UNC5D: variants seen among roughly 807,000 people sequenced by gnomAD.
UNC5D encodes the protein unc-5 netrin receptor D.
UNC5D carries 39 observed loss-of-function variants against 105.4 expected under a neutral mutation model. The observed-to-expected ratio is 0.37, with a 90% CI of 0.29 to 0.48. The LOEUF is 0.48. Among genes scored for constraint, UNC5D ranks in the 20% least tolerant of loss-of-function variants. The pLI is 0.98. For missense variants in UNC5D, 991 were observed against 1,202.4 expected (o/e 0.82, Z 2.60); for synonymous variants, 452 against 450.4 (o/e 1.00, Z -0.04).
In UNC5D at chr8:35,661,199, T is replaced by C. The variant is rs116226510; in HGVS notation, c.571-22348T>C. 7.2e-3 allele frequency among the ~76,000 whole-genome samples: 1,097 copies of C among 152,214 alleles called. 21 individuals are homozygous for C. Among genetic ancestry groups the C allele is most frequent in the African/African-American group, 0.024 (1,010 of 41,530 alleles). ...GCTATACATATAGAGTTGCCTCAAA[T>C]AAGAAATGTCTATGGGATTCATTGA... On this transcript the variant is annotated intron_variant, in intron 4 of 16. Transcript: ENST00000404895.
At chr8:35,525,626 G>A (rs919307257) in intron 1 of UNC5D, 3 of 1,613,352 alleles carry the variant, frequency 1.9e-6, no homozygotes, top group African/African-American at 1.3e-5. Context: ...GCTTTCCACT[G>A]GAAGAGGGAC....
At chr8:35,614,723 A>T (rs1200029406) in intron 4 of UNC5D, among the ~76,000 whole-genome samples, 2 of 152,120 alleles carry the variant, frequency 1.3e-5, no homozygotes, top group East Asian at 3.9e-4. Context: ...CAGCCCAAAT[A>T]CCCTCATCAT....
At chr8:35,296,728 G>A (rs1807520650) in intron 1 of UNC5D, among the ~76,000 whole-genome samples, 1 of 152,056 alleles carries the variant, frequency 6.6e-6, no homozygotes, top group African/African-American at 2.4e-5. Flanking sequence ...GCCGTGGTAA[G>A]TACCTTTTCA....
At chr8:35,778,132 T>C (rs920044053) in intron 16 of UNC5D, among the ~76,000 whole-genome samples, 6 of 152,220 alleles carry the variant, frequency 3.9e-5, no homozygotes, top group Non-Finnish European at 5.9e-5. Flanking sequence ...TGTCGGTATG[T>C]CTGAATAAGG....
chr8:35,599,256 C>A (rs964861587), intron 4 of UNC5D, among the ~76,000 whole-genome samples: 14 of 147,914 alleles, frequency 9.5e-5, no homozygotes. Context: ...TCAAAGGGTA[C>A]AATATTTTGG....
At chr8:35,657,177 A>G (rs1823832685) in intron 4 of UNC5D, among the ~76,000 whole-genome samples, 1 of 145,056 alleles carries the variant, frequency 6.9e-6, no homozygotes, top group African/African-American at 2.5e-5. Flanking sequence ...AAAGTTTGAA[A>G]TTGCTAGAGA....
chr8:35,636,003 G>A (rs948570040), intron 4 of UNC5D, among the ~76,000 whole-genome samples: 16 of 152,098 alleles, frequency 1.1e-4, no homozygotes, highest in Admixed American at 7.9e-4. Flanking sequence ...CAGAAATCTC[G>A]GGAGATCTTA....
intron 16 of UNC5D, among the ~76,000 whole-genome samples, chr8:35,784,476 C>G (rs967276101): frequency 2.0e-5 from 3 of 152,042 alleles, no homozygotes; most frequent in Non-Finnish European, 2.9e-5. Flanking sequence ...AGGCCAGGCA[C>G]GACAGCTGAG....
chr8:35,415,870 G>C (rs764555148), intron 1 of UNC5D, among the ~76,000 whole-genome samples: 9 of 152,126 alleles, frequency 5.9e-5, no homozygotes, highest in Non-Finnish European at 1.2e-4. Flanking sequence ...AACTACAGTA[G>C]AGTAGGAAGA....
chr8:35,380,779 G>A (rs745726328), intron 1 of UNC5D, among the ~76,000 whole-genome samples: 21 of 152,090 alleles, frequency 1.4e-4, no homozygotes, highest in African/African-American at 3.1e-4. Flanking sequence ...TATATATTGC[G>A]CAGAAACTGA....
intron 4 of UNC5D, among the ~76,000 whole-genome samples, chr8:35,640,523 G>T (rs1822645091): frequency 6.6e-6 from 1 of 152,250 alleles, no homozygotes; most frequent in Non-Finnish European, 1.5e-5. Flanking sequence ...ATGATATAAA[G>T]CTGTCTGGAG....
At chr8:35,445,990 G>A (rs1454926134) in intron 1 of UNC5D, among the ~76,000 whole-genome samples, 5 of 151,806 alleles carry the variant, frequency 3.3e-5, no homozygotes, top group Admixed American at 3.3e-4. Context: ...ACCTTTTTAG[G>A]CATTGACAAT....
chr8:35,362,386 G>A (rs1367475213), intron 1 of UNC5D, among the ~76,000 whole-genome samples: 1 of 152,122 alleles, frequency 6.6e-6, no homozygotes, highest in Admixed American at 6.6e-5. Context: ...CAGAATAAAT[G>A]GTAACCATAA....
intron 1 of UNC5D, among the ~76,000 whole-genome samples, chr8:35,437,219 A>C (rs997827936): frequency 1.3e-5 from 2 of 152,090 alleles, no homozygotes; most frequent in African/African-American, 4.8e-5. Context: ...TCATTATAAA[A>C]ATTTAAACAT....
intron 1 of UNC5D, among the ~76,000 whole-genome samples, chr8:35,275,313 C>A (rs1263531232): frequency 6.6e-6 from 1 of 151,552 alleles, no homozygotes; most frequent in Admixed American, 6.6e-5. Context: ...TATTTTGAAT[C>A]AAAATTTCAT....
At chr8:35,717,428 T>C (rs988660310) in intron 8 of UNC5D, among the ~76,000 whole-genome samples, 5 of 152,180 alleles carry the variant, frequency 3.3e-5, no homozygotes, top group African/African-American at 9.7e-5. Flanking sequence ...TTTGGACACA[T>C]TGATGACAAT....
chr8:35,271,539 T>G (rs1805336271), intron 1 of UNC5D, among the ~76,000 whole-genome samples: 1 of 144,276 alleles, frequency 6.9e-6, no homozygotes, highest in Admixed American at 6.9e-5. Context: ...GTATATATTT[T>G]ATATATGTAT....
At chr8:35,765,144 G>A (rs1484998727) in intron 14 of UNC5D, among the ~76,000 whole-genome samples, 1 of 152,202 alleles carries the variant, frequency 6.6e-6, no homozygotes, top group Non-Finnish European at 1.5e-5. Context: ...GGGTCTGCCT[G>A]CTGATCTTAG....
chr8:35,540,624 A>C (rs1815209633), intron 1 of UNC5D, among the ~76,000 whole-genome samples: 1 of 152,196 alleles, frequency 6.6e-6, no homozygotes, highest in African/African-American at 2.4e-5. Flanking sequence ...GTCTCTTTGA[A>C]TAAACTGTTA....
Sources: allele counts gnomAD v4.1 joint callset (sites outside exome capture counted in the v4.1 genomes callset), GRCh38; gene constraint gnomAD v4.1.1; transcripts MANE v1.5; gene names NCBI Gene and HGNC (gene_info 2026-07-23, HGNC 2026-07-21).